OSBPL9: variants seen among roughly 807,000 people sequenced by gnomAD.
The protein encoded by OSBPL9 is oxysterol-binding protein-related protein 9.
A neutral mutation model predicts 106.6 loss-of-function variants in OSBPL9; 40 were observed. That is an observed-to-expected ratio of 0.38 (90% confidence interval 0.29 to 0.49). The LOEUF (loss-of-function observed/expected upper bound fraction) is 0.49, where lower values mean the gene tolerates loss of function less well. Among genes scored for constraint, OSBPL9 ranks in the 20% least tolerant of loss-of-function variants. The pLI, the probability that OSBPL9 is intolerant of heterozygous loss-of-function variation, is 0.97. For missense variants in OSBPL9, 609 were observed against 887.2 expected, an observed-to-expected ratio of 0.69 and a Z score of 3.98; for synonymous variants, 269 against 295.4, an observed-to-expected ratio of 0.91 and a Z score of 0.92.
At chr1:51,543,996 C>A in the OSBPL9 span, among the ~76,000 whole-genome samples, 1 of 152,150 alleles carries the variant, frequency 6.6e-6, no homozygotes, top group Non-Finnish European at 1.5e-5. Context: ...AGATAAATAC[C>A]AACACCTAAA....
At chr1:51,652,269 T>G (rs115783498) in intron 2 of OSBPL9, among the ~76,000 whole-genome samples, 131 of 152,342 alleles carry the variant, frequency 8.6e-4, no homozygotes, top group African/African-American at 3.0e-3. Flanking sequence ...ATTTATGACT[T>G]AATGCATGTT....
chr1:51,606,117 G>A (rs1384439631), intron 2 of OSBPL9, among the ~76,000 whole-genome samples: 2 of 152,192 alleles, frequency 1.3e-5, no homozygotes, highest in Non-Finnish European at 2.9e-5. Context: ...AGTGGATAAC[G>A]CCAAGCTACT....
the OSBPL9 span, among the ~76,000 whole-genome samples, chr1:51,536,545 C>T: frequency 1.1e-4 from 17 of 152,080 alleles, no homozygotes; most frequent in Admixed American, 3.3e-4. Flanking sequence ...CTATAATTCT[C>T]AGCCTCAAAG....
the OSBPL9 span, chr1:51,567,116 C>T: frequency 6.6e-6 from 1 of 152,236 alleles, no homozygotes; most frequent in Non-Finnish European, 1.5e-5. Context: ...ATTGTCTTAT[C>T]ACTTCACAAG....
chr1:51,630,332 G>A (rs1645032049), intron 1 of OSBPL9, among the ~76,000 whole-genome samples: 1 of 152,044 alleles, frequency 6.6e-6, no homozygotes, highest in African/African-American at 2.4e-5. Context: ...TTGATCCTAA[G>A]TTTTATTTCT....
At chr1:51,634,174 A>G (rs1645281274) in intron 1 of OSBPL9, among the ~76,000 whole-genome samples, 1 of 152,016 alleles carries the variant, frequency 6.6e-6, no homozygotes, top group Non-Finnish European at 1.5e-5. Flanking sequence ...TTCCCTTTTT[A>G]TAATCTTGTT....
intron 1 of OSBPL9, among the ~76,000 whole-genome samples, chr1:51,633,667 G>T (rs1421201423): frequency 6.6e-6 from 1 of 151,836 alleles, no homozygotes; most frequent in South Asian, 2.1e-4. Context: ...TGTCACGGGG[G>T]CTAGAGTGCA....
intron 4 of OSBPL9, among the ~76,000 whole-genome samples, chr1:51,716,593 A>G (rs750127323): frequency 1.3e-5 from 2 of 152,242 alleles, no homozygotes; most frequent in Non-Finnish European, 2.9e-5. Context: ...TCCCTCTGCC[A>G]GTGCCTGGTA....
chr1:51,589,822 A>C (rs955960289), intron 1 of OSBPL9, among the ~76,000 whole-genome samples: 1 of 151,682 alleles, frequency 6.6e-6, no homozygotes, highest in Non-Finnish European at 1.5e-5. Context: ...TCGCGAGGTC[A>C]GGCATTCAAG....
At chr1:51,774,030 C>T (rs917341220) in intron 14 of OSBPL9, among the ~76,000 whole-genome samples, 2 of 151,940 alleles carry the variant, frequency 1.3e-5, no homozygotes, top group African/African-American at 4.8e-5. Flanking sequence ...CCTGTTGAAT[C>T]TCATTGGCCA....
At chr1:51,541,984 C>A in the OSBPL9 span, among the ~76,000 whole-genome samples, 1 of 152,092 alleles carries the variant, frequency 6.6e-6, no homozygotes, top group Non-Finnish European at 1.5e-5. Context: ...ACCTCCCAGG[C>A]TCAAGCCATC....
intron 2 of OSBPL9, among the ~76,000 whole-genome samples, chr1:51,606,832 A>G (rs1643951595): frequency 1.3e-5 from 2 of 152,130 alleles, no homozygotes; most frequent in Admixed American, 6.6e-5. Context: ...GCAGATCACG[A>G]GGTCAGGAGA....
At chr1:51,705,257 C>T (rs1156525163) in intron 3 of OSBPL9, among the ~76,000 whole-genome samples, 1 of 150,938 alleles carries the variant, frequency 6.6e-6, no homozygotes, top group African/African-American at 2.4e-5. Flanking sequence ...AAGTGAGCCT[C>T]CCATCTCCTG....
At chr1:51,560,035 T>C in the OSBPL9 span, among the ~76,000 whole-genome samples, 6 of 152,336 alleles carry the variant, frequency 3.9e-5, no homozygotes, top group South Asian at 1.2e-3. Flanking sequence ...TGTACTCCTA[T>C]GTTGGTCTTC....
chr1:51,536,376 A>C, the OSBPL9 span, among the ~76,000 whole-genome samples: 3 of 152,228 alleles, frequency 2.0e-5, no homozygotes, highest in African/African-American at 7.2e-5. Flanking sequence ...GTTCAATTAC[A>C]GCTCACTTAC....
intron 3 of OSBPL9, among the ~76,000 whole-genome samples, chr1:51,689,273 A>G (rs1430730602): frequency 1.3e-5 from 2 of 152,196 alleles, no homozygotes; most frequent in Admixed American, 6.5e-5. Flanking sequence ...GAAGCCAACA[A>G]AAGAATTCAG....
At chr1:51,685,174 A>G (rs1415689148) in intron 3 of OSBPL9, among the ~76,000 whole-genome samples, 3 of 152,180 alleles carry the variant, frequency 2.0e-5, no homozygotes, top group African/African-American at 7.2e-5. Context: ...TTCTGAGTAT[A>G]AAGGGTGAGC....
chr1:51,735,392 C>A (rs1204366354), intron 4 of OSBPL9, among the ~76,000 whole-genome samples: 2 of 152,198 alleles, frequency 1.3e-5, no homozygotes, highest in Non-Finnish European at 2.9e-5. Flanking sequence ...AAAGTTCAAA[C>A]ATTGTATCTG....
intron 21 of OSBPL9, chr1:51,786,279 C>T (rs889550287): frequency 8.7e-6 from 4 of 457,256 alleles, no homozygotes; most frequent in Admixed American, 4.0e-5. Context: ...ATAAAATTTA[C>T]TGACTGCCTG....
Sources: allele counts gnomAD v4.1 joint callset (sites outside exome capture counted in the v4.1 genomes callset), GRCh38; gene constraint gnomAD v4.1.1; transcripts MANE v1.5; gene names NCBI Gene and HGNC (gene_info 2026-07-23, HGNC 2026-07-21).